SLC25A17: variants seen among roughly 807,000 people sequenced by gnomAD.
SLC25A17 encodes solute carrier family 25 member 17, also known as peroxisomal membrane protein PMP34.
SLC25A17 carries 26 observed loss-of-function variants against 38.5 expected under a neutral mutation model. The observed-to-expected ratio is 0.68, with a 90% CI of 0.50 to 0.94. SLC25A17 has a LOEUF of 0.94. SLC25A17 is among the 40% of genes least tolerant of loss of function. The probability of loss-of-function intolerance (pLI) is 0.00; values close to 1 mark genes in which losing one functional copy is unlikely to be tolerated. For missense variants in SLC25A17, 333 were observed against 372.7 expected, an observed-to-expected ratio of 0.89 and a Z score of 0.88; for synonymous variants, 139 against 136.2, an observed-to-expected ratio of 1.02 and a Z score of -0.14.
chr22:40,814,460 A>G (rs931420135), intron 1 of SLC25A17, among the ~76,000 whole-genome samples: 2 of 152,122 alleles, frequency 1.3e-5, no homozygotes, highest in African/African-American at 4.8e-5. Context: ...TACATCATTT[A>G]TGTATTAATT....
intron 1 of SLC25A17, among the ~76,000 whole-genome samples, chr22:40,811,259 G>GTTTTTT (rs138316): frequency 6.9e-6 from 1 of 145,788 alleles, no homozygotes. Flanking sequence ...TTTAATTTTT[G>GTTTTTT]TTTTTTTTTT....
intron 1 of SLC25A17, among the ~76,000 whole-genome samples, chr22:40,808,715 TAA>T (rs1446602506): frequency 6.6e-6 from 1 of 152,226 alleles, no homozygotes; most frequent in African/African-American, 2.4e-5. Context: ...ATATTTTTTG[TAA>T]AAGACATCAG....
At position 40,784,784 on chromosome 22, in the gene SLC25A17, CAA is replaced by C. The variant is rs71200616; in HGVS notation, c.335-5661_335-5660del. Among the ~76,000 whole-genome samples the C allele has an allele frequency of 1.5e-3, 140 of 96,362 alleles. No individual in the cohort carries two copies. In the East Asian group the frequency reaches 0.016, roughly 11 times the overall value. The allele number at this position is 96,362 out of a possible 152,430, so 63.2% of individuals were successfully genotyped here. A position where few individuals can be genotyped will look rare whatever the true frequency, so the allele number is the denominator to read the frequency against. ...GAGCAAGACCCTATCTCAACAACAA[CAA>C]AAAAAAAAAAAAAAAAAAAGAAAAG... On this transcript the variant is annotated intron_variant, in intron 4 of 8. Coordinates refer to ENST00000435456, the MANE Select transcript of SLC25A17 (RefSeq NM_006358.4).
intron 2 of SLC25A17, 64 bp downstream of exon 2, chr22:40,798,955 AAAAG>A: frequency 8.4e-7 from 1 of 1,184,422 alleles, no homozygotes; most frequent in Non-Finnish European, 1.2e-6. Context: ...AAAAAAAAAA[AAAAG>A]AAATTACTAG....
chr22:40,812,310 C>T (rs1042976294), intron 1 of SLC25A17, among the ~76,000 whole-genome samples: 2 of 152,054 alleles, frequency 1.3e-5, no homozygotes, highest in Non-Finnish European at 2.9e-5. Context: ...CTAAAGTATA[C>T]TTTTTAATTT....
Position 40,770,928 on chromosome 22 carries a change from G to C in SLC25A17, c.830C>G (p.Thr277Arg). Residue 277 changes from threonine (T) to arginine (R), a missense_variant, in exon 9 of 9, where the codon ACA (threonine) becomes AGA (arginine). Transcript: ENST00000435456. ...YKGLEAKLLQ[T>R]VLTAALMFLV... ...GAACATGAGAGCAGCAGTGAGGACT[G>C]TCTGCAGCAGTTTGGCTTCAAGGCC... 6.2e-7 allele frequency: 1 copy of C among 1,612,392 alleles called. No homozygotes were observed. Among genetic ancestry groups the C allele is most frequent in the Non-Finnish European group, 8.5e-7 (1 of 1,178,712 alleles).
chr22:40,815,616 T>C (rs929657182), intron 1 of SLC25A17, among the ~76,000 whole-genome samples: 1 of 152,146 alleles, frequency 6.6e-6, no homozygotes, highest in Admixed American at 6.5e-5. Context: ...GAGACAGAAA[T>C]GAATAATTAT....
chr22:40,771,194 G>A (rs773981246), intron 8 of SLC25A17, among the ~76,000 whole-genome samples: 2 of 152,124 alleles, frequency 1.3e-5, no homozygotes, highest in African/African-American at 4.8e-5. Context: ...TGCAAGCTCC[G>A]CCTCCCGAGT....
intron 1 of SLC25A17, among the ~76,000 whole-genome samples, chr22:40,801,727 G>C (rs1172327636): frequency 6.6e-6 from 1 of 152,178 alleles, no homozygotes; most frequent in East Asian, 1.9e-4. Flanking sequence ...TGGAAAGTTA[G>C]AGAAAGCTTA....
In SLC25A17 at chr22:40,807,701, A is replaced by G. The variant is rs570646281; in HGVS notation, c.55-8618T>C. Reference sequence around the variant, plus strand: ...GAGGCGGAACTTGCAGTGAGCCGAGATCGCGCCACTGCACTCCAGACTGGG... The same window carrying G: ...GAGGCGGAACTTGCAGTGAGCCGAGGTCGCGCCACTGCACTCCAGACTGGG... On this transcript the variant is annotated intron_variant, in intron 1 of 8. Coordinates refer to ENST00000435456, the MANE Select transcript of SLC25A17 (RefSeq NM_006358.4). Among the ~76,000 whole-genome samples, 16 of 152,310 alleles carry G rather than the reference A, an allele frequency of 1.1e-4. No individual in the cohort carries two copies. The South Asian group carries it at 2.3e-3, about 22-fold the overall frequency.
At chr22:40,780,509 T>G (rs574088740) in intron 4 of SLC25A17, among the ~76,000 whole-genome samples, 1 of 152,310 alleles carries the variant, frequency 6.6e-6, no homozygotes, top group African/African-American at 2.4e-5. Context: ...CAGAGGCCAG[T>G]ATAGAGGGAT....
At chr22:40,796,561 T>C (rs2057431747) in intron 2 of SLC25A17, among the ~76,000 whole-genome samples, 1 of 149,256 alleles carries the variant, frequency 6.7e-6, no homozygotes, top group African/African-American at 2.5e-5. Flanking sequence ...ATCACGTGAA[T>C]CCAGGCCGAG....
intron 1 of SLC25A17, among the ~76,000 whole-genome samples, chr22:40,805,871 A>G (rs1171916603): frequency 6.6e-6 from 1 of 152,248 alleles, no homozygotes; most frequent in African/African-American, 2.4e-5. Context: ...TTGTTACAGC[A>G]GCAATAGAAA....
chr22:40,797,798 G>A (rs1379851629), intron 2 of SLC25A17, among the ~76,000 whole-genome samples: 2 of 152,250 alleles, frequency 1.3e-5, no homozygotes, highest in Non-Finnish European at 2.9e-5. Flanking sequence ...AGACTGGGGT[G>A]GAGGCCGAGG....
At chr22:40,813,587 G>T (rs1193719572) in intron 1 of SLC25A17, among the ~76,000 whole-genome samples, 1 of 151,814 alleles carries the variant, frequency 6.6e-6, no homozygotes, top group Non-Finnish European at 1.5e-5. Context: ...AGCCGGGTGT[G>T]GTGGCAGACA....
In SLC25A17 at chr22:40,769,679, A is replaced by G. The variant is rs1569396009; in HGVS notation, c.*1155T>C. The G allele has an allele frequency of 6.6e-6, 1 of 152,164 alleles. No homozygotes were observed. The highest frequency in any genetic ancestry group is 1.5e-5 in the Non-Finnish European group (1 of 68,032). 9.4% of individuals were successfully genotyped at this position (152,164 alleles called of 1,614,324 possible). ...CATTAATCTCTTTCCTTTGAGAAAA[A>G]TCTTTATCTTGATGTCTATAATCGA... On this transcript the variant is annotated 3_prime_UTR_variant, in exon 9 of 9. Coordinates refer to ENST00000435456, the MANE Select transcript of SLC25A17 (RefSeq NM_006358.4).
intron 2 of SLC25A17, among the ~76,000 whole-genome samples, chr22:40,795,539 C>T (rs1363778410): frequency 6.6e-6 from 1 of 152,174 alleles, no homozygotes; most frequent in Non-Finnish European, 1.5e-5. Flanking sequence ...ATCCACCCGT[C>T]TTGGCCTCCC....
chr22:40,818,497 C>G (rs1363478404), intron 1 of SLC25A17, among the ~76,000 whole-genome samples: 1 of 152,004 alleles, frequency 6.6e-6, no homozygotes, highest in African/African-American at 2.4e-5. Context: ...TCGTTTGAGG[C>G]CAGGAATTCG....
chr22:40,793,155 G>C (rs1350508159), intron 3 of SLC25A17, among the ~76,000 whole-genome samples: 1 of 151,918 alleles, frequency 6.6e-6, no homozygotes, highest in Non-Finnish European at 1.5e-5. Context: ...ATGAAGTACA[G>C]TAATCAATTG....
Sources: gnomAD v4.1 joint callset for allele counts (sites outside exome capture counted in the v4.1 genomes callset) on GRCh38, gnomAD v4.1.1 for gene constraint, MANE v1.5 for transcripts, NCBI Gene and HGNC (gene_info 2026-07-23, HGNC 2026-07-21) for gene names.